Variants in NRXN1 observed in about 807,000 individuals in gnomAD.
The protein encoded by NRXN1 is neurexin 1.
A neutral mutation model predicts 150.9 loss-of-function variants in NRXN1; 39 were observed. The observed-to-expected ratio is 0.26, with a 90% CI of 0.20 to 0.34. The LOEUF is 0.34. NRXN1 is among the 10% of genes least tolerant of loss of function. The pLI, the probability that NRXN1 is intolerant of heterozygous loss-of-function variation, is 1.00. For synonymous variants in NRXN1, 924 were observed against 757.0 expected (o/e 1.22, Z -3.62); for missense variants, 1,815 against 1,949.9 (o/e 0.93, Z 1.30).
At chr2:50,282,995 T>C (rs551611858) in intron 17 of NRXN1, among the ~76,000 whole-genome samples, 1 of 152,286 alleles carries the variant, frequency 6.6e-6, no homozygotes, top group South Asian at 2.1e-4. Flanking sequence ...TCATGAATAA[T>C]TTATCTGTAT....
At chr2:50,598,426 A>G (rs910855331) in intron 8 of NRXN1, among the ~76,000 whole-genome samples, 1 of 151,538 alleles carries the variant, frequency 6.6e-6, no homozygotes, top group Non-Finnish European at 1.5e-5. Context: ...ATAAAATAAA[A>G]TAAACTTTTT....
chr2:50,888,657 T>C (rs1433250225), intron 5 of NRXN1, among the ~76,000 whole-genome samples: 3 of 151,680 alleles, frequency 2.0e-5, no homozygotes, highest in Non-Finnish European at 3.0e-5. Context: ...AAAAGTATAA[T>C]GTTGCTTGAA....
intron 19 of NRXN1, among the ~76,000 whole-genome samples, chr2:50,055,696 C>T (rs1693489875): frequency 6.6e-6 from 1 of 152,164 alleles, no homozygotes; most frequent in Non-Finnish European, 1.5e-5. Flanking sequence ...CAGGAAAAGG[C>T]TTTGACAAAA....
chr2:50,408,816 G>C (rs1156516478), intron 17 of NRXN1, among the ~76,000 whole-genome samples: 1 of 140,236 alleles, frequency 7.1e-6, no homozygotes, highest in Non-Finnish European at 1.6e-5. Context: ...TGCAAGTCAA[G>C]AGTTGGGTGA....
At chr2:49,928,712 C>G (rs1182173220) in intron 22 of NRXN1, among the ~76,000 whole-genome samples, 1 of 152,084 alleles carries the variant, frequency 6.6e-6, no homozygotes, top group African/African-American at 2.4e-5. Flanking sequence ...TGCAATCATT[C>G]ACAAGAAGCC....
chr2:50,100,257 G>A (rs772403077), intron 18 of NRXN1, among the ~76,000 whole-genome samples: 4 of 151,928 alleles, frequency 2.6e-5, no homozygotes, highest in Non-Finnish European at 5.9e-5. Flanking sequence ...TGATGGAAGC[G>A]CTTGCCATTA....
intron 8 of NRXN1, among the ~76,000 whole-genome samples, chr2:50,564,578 A>G (rs1669585123): frequency 1.3e-5 from 2 of 152,184 alleles, no homozygotes; most frequent in South Asian, 4.1e-4. Context: ...CAGTCTGTAT[A>G]ATGATATTAA....
At chr2:50,274,565 A>T (rs935317934) in intron 17 of NRXN1, among the ~76,000 whole-genome samples, 4 of 152,266 alleles carry the variant, frequency 2.6e-5, no homozygotes, top group Admixed American at 1.3e-4. Context: ...AGTATAATTT[A>T]AAAAAAGAGA....
chr2:50,442,842 C>T (rs1309198988), intron 17 of NRXN1, among the ~76,000 whole-genome samples: 1 of 152,140 alleles, frequency 6.6e-6, no homozygotes, highest in Admixed American at 6.6e-5. Context: ...GGAAGGAGGA[C>T]AACCATGTGT....
At chr2:50,825,370 C>T (rs1004849038) in intron 5 of NRXN1, among the ~76,000 whole-genome samples, 5 of 152,140 alleles carry the variant, frequency 3.3e-5, no homozygotes, top group African/African-American at 1.2e-4. Context: ...GTCACCAAGA[C>T]CAAGACAGAA....
At chr2:50,153,002 A>C (rs960546813) in intron 18 of NRXN1, among the ~76,000 whole-genome samples, 1 of 151,562 alleles carries the variant, frequency 6.6e-6, no homozygotes, top group African/African-American at 2.4e-5. Flanking sequence ...GGCACTATTT[A>C]CTTTTCTCCA....
chr2:50,339,450 A>G (rs1404467188), intron 17 of NRXN1, among the ~76,000 whole-genome samples: 1 of 152,212 alleles, frequency 6.6e-6, no homozygotes, highest in East Asian at 1.9e-4. Flanking sequence ...ATTCAAAGAA[A>G]GTTCATAGAA....
At chr2:50,550,141 T>C (rs1266699026) in intron 9 of NRXN1, among the ~76,000 whole-genome samples, 2 of 152,208 alleles carry the variant, frequency 1.3e-5, no homozygotes, top group Non-Finnish European at 1.5e-5. Flanking sequence ...TCTAAGTGAA[T>C]GAAAAGCAAT....
At chr2:50,285,898 A>G (rs2072097106) in intron 17 of NRXN1, among the ~76,000 whole-genome samples, 1 of 152,176 alleles carries the variant, frequency 6.6e-6, no homozygotes, top group Non-Finnish European at 1.5e-5. Context: ...ATAGCAATGC[A>G]TGATGGAATA....
intron 17 of NRXN1, among the ~76,000 whole-genome samples, chr2:50,401,163 TA>T (rs2082365496): frequency 6.6e-6 from 1 of 152,214 alleles, no homozygotes; most frequent in Admixed American, 6.5e-5. Context: ...GCGCTTTGTT[TA>T]GGCCTTCAGG....
chr2:50,604,809 T>C (rs556641092), intron 8 of NRXN1, among the ~76,000 whole-genome samples: 4 of 152,306 alleles, frequency 2.6e-5, no homozygotes, highest in Non-Finnish European at 4.4e-5. Flanking sequence ...ACAAAGGTTA[T>C]AGAATACCTA....
chr2:50,438,562 C>T (rs2085653867), intron 17 of NRXN1, among the ~76,000 whole-genome samples: 1 of 152,188 alleles, frequency 6.6e-6, no homozygotes, highest in Non-Finnish European at 1.5e-5. Context: ...CTGGCAAGTG[C>T]AATTTTTCTC....
chr2:50,701,836 G>C (rs190045049), intron 5 of NRXN1, among the ~76,000 whole-genome samples: 13 of 152,060 alleles, frequency 8.5e-5, no homozygotes, highest in African/African-American at 2.9e-4. Context: ...AATTATAATG[G>C]CATAATCCCT....
chr2:50,684,256 G>C (rs1198456384), intron 5 of NRXN1, among the ~76,000 whole-genome samples: 6 of 152,068 alleles, frequency 3.9e-5, no homozygotes, highest in Admixed American at 3.9e-4. Context: ...CAGAAGTTTG[G>C]GAGGCCAAGT....
Sources: allele counts gnomAD v4.1 joint callset (sites outside exome capture counted in the v4.1 genomes callset), GRCh38; gene constraint gnomAD v4.1.1; transcripts MANE v1.5; gene names NCBI Gene and HGNC (gene_info 2026-07-23, HGNC 2026-07-21).